Variants in TBC1D4 observed in about 807,000 individuals in gnomAD.
TBC1D4 encodes TBC1 domain family member 4, also known as TBC (Tre-2, BUB2, CDC16) domain-containing protein.
A neutral mutation model predicts 142.5 loss-of-function variants in TBC1D4; 121 were observed. The observed-to-expected ratio is 0.85, with a 90% CI of 0.73 to 0.99. TBC1D4 has a LOEUF of 0.99. Ranked by LOEUF, TBC1D4 falls within the 50% of genes least tolerant of loss-of-function variation. The probability of loss-of-function intolerance (pLI) is 0.00; values close to 1 mark genes in which losing one functional copy is unlikely to be tolerated. For synonymous variants in TBC1D4, 630 were observed against 628.2 expected, an observed-to-expected ratio of 1.00 and a Z score of -0.04; for missense variants, 1,475 against 1,606.6, an observed-to-expected ratio of 0.92 and a Z score of 1.40.
chr13:75,444,753 T>G (rs2138213044), intron 1 of TBC1D4, among the ~76,000 whole-genome samples: 1 of 152,246 alleles, frequency 6.6e-6, no homozygotes, highest in African/African-American at 2.4e-5. Flanking sequence ...AGTCTGGATG[T>G]TTGTTCATAA....
At chr13:75,378,809 G>T (rs1413861648) in intron 1 of TBC1D4, among the ~76,000 whole-genome samples, 1 of 152,066 alleles carries the variant, frequency 6.6e-6, no homozygotes, top group Non-Finnish European at 1.5e-5. Context: ...TCAAGTGTTT[G>T]TTTCAAGTTT....
At chr13:75,437,519 A>G (rs1886848609) in intron 1 of TBC1D4, among the ~76,000 whole-genome samples, 1 of 152,108 alleles carries the variant, frequency 6.6e-6, no homozygotes. Flanking sequence ...TCTTAAATAT[A>G]CTTTAGTTGT....
chr13:75,291,102 G>A (rs1875250283), intron 19 of TBC1D4, among the ~76,000 whole-genome samples: 1 of 152,172 alleles, frequency 6.6e-6, no homozygotes, highest in Non-Finnish European at 1.5e-5. Context: ...CACATACGGT[G>A]TGCAGATTAC....
chr13:75,450,848 T>C (rs1887503284), intron 1 of TBC1D4, among the ~76,000 whole-genome samples: 1 of 152,174 alleles, frequency 6.6e-6, no homozygotes, highest in African/African-American at 2.4e-5. Context: ...CTTATTAGCA[T>C]AAACTATCTA....
intron 1 of TBC1D4, among the ~76,000 whole-genome samples, chr13:75,447,500 ATGTGTGTGTG>A (rs35775136): frequency 5.5e-5 from 8 of 145,344 alleles, no homozygotes; most frequent in Middle Eastern, 3.5e-3. Context: ...CATAGTGTGA[ATGTGTGTGTG>A]TGTGTGTGTG....
chr13:75,398,738 C>T (rs564780780), intron 1 of TBC1D4, among the ~76,000 whole-genome samples: 1 of 152,174 alleles, frequency 6.6e-6, no homozygotes, highest in Non-Finnish European at 1.5e-5. Flanking sequence ...TATAAAGTAG[C>T]CTCAGGTCAA....
rs7319690 is a variant in TBC1D4, at chr13:75,463,160, G to A, written c.498+18110C>T. 5.3e-3 allele frequency among the ~76,000 whole-genome samples: 712 copies of A among 134,978 alleles called. 5 individuals are homozygous for A. The highest frequency in any genetic ancestry group is 0.019 in the African/African-American group (671 of 35,284). The allele number at this position is 134,978 out of a possible 152,430, so 88.6% of individuals were successfully genotyped here. On this transcript the variant is annotated intron_variant, in intron 1 of 20. Coordinates refer to ENST00000377636, the MANE Select transcript of TBC1D4 (RefSeq NM_014832.5). ...TATTGCCAATATTCCTGCAGAGATC[G>A]AGTTTTCACTAACACTATAGAAAAA... is the stretch of plus-strand genomic sequence containing the variant.
At chr13:75,367,524 TAA>T (rs766211283) in intron 1 of TBC1D4, among the ~76,000 whole-genome samples, 7 of 138,824 alleles carry the variant, frequency 5.0e-5, no homozygotes, top group South Asian at 2.3e-4. Flanking sequence ...TAGAGAAGTG[TAA>T]AAAAAAAAAA....
At chr13:75,360,949 C>T (rs1882450861) in intron 2 of TBC1D4, among the ~76,000 whole-genome samples, 1 of 152,170 alleles carries the variant, frequency 6.6e-6, no homozygotes, top group Non-Finnish European at 1.5e-5. Flanking sequence ...CCGGAATCTC[C>T]TTCTTAGGAA....
intron 1 of TBC1D4, among the ~76,000 whole-genome samples, chr13:75,368,029 T>G (rs988242466): frequency 1.3e-5 from 2 of 152,196 alleles, no homozygotes; most frequent in Non-Finnish European, 2.9e-5. Context: ...TGTTTGACAA[T>G]CTCATTTTAA....
Position 75,383,989 on chromosome 13 carries a change from G to A in TBC1D4, c.499-21382C>T, listed in dbSNP as rs890929068. On this transcript the variant is annotated intron_variant, in intron 1 of 20. Coordinates refer to ENST00000377636, the MANE Select transcript of TBC1D4 (RefSeq NM_014832.5). ...ATTTCAAAACTTATCTCCGAGGAAG[G>A]GGGAGGGATAGCATTAGGAGATATA... Among the ~76,000 whole-genome samples, 3 of 152,088 alleles carry A rather than the reference G, an allele frequency of 2.0e-5. No individual in the cohort carries two copies. In the South Asian group the frequency reaches 6.2e-4, roughly 32 times the overall value.
chr13:75,301,530 A>G (rs959727073), intron 16 of TBC1D4, among the ~76,000 whole-genome samples: 70 of 151,990 alleles, frequency 4.6e-4, no homozygotes, highest in African/African-American at 1.7e-3. Context: ...CTGTAGTCCC[A>G]GCTACTCAGG....
chr13:75,359,666 C>A (rs1882338474), intron 3 of TBC1D4, 103 bp downstream of exon 3: 2 of 936,840 alleles, frequency 2.1e-6, no homozygotes, highest in African/African-American at 1.7e-5. Flanking sequence ...ATTTAAATTT[C>A]AAAAAAAATT....
At chr13:75,378,969 C>T (rs1364284255) in intron 1 of TBC1D4, among the ~76,000 whole-genome samples, 1 of 152,016 alleles carries the variant, frequency 6.6e-6, no homozygotes, top group Non-Finnish European at 1.5e-5. Context: ...AGTTTTATAA[C>T]TATTGATGCA....
intron 1 of TBC1D4, among the ~76,000 whole-genome samples, chr13:75,378,455 G>A (rs1471945224): frequency 6.6e-6 from 1 of 152,088 alleles, no homozygotes; most frequent in Non-Finnish European, 1.5e-5. Context: ...TGGTGTAACA[G>A]ATTTGTGCTC....
rs1457199337 is a variant in TBC1D4 at position 75,326,198 on chromosome 13, T to G, written c.2032A>C (p.Ser678Arg). ...LLRQSSSEQC[S>R]NLSSVRRMYK... ...CATTCTGGAGAGGGTCAGACTCACC[T>G]GCACTGTTCACTGGAGCTCTGCCTC... Residue 678 changes from serine (S) to arginine (R), a missense_variant and splice_region_variant, in exon 10 of 21, where the codon AGC becomes CGC. Transcript: ENST00000377636. 6.2e-7 allele frequency: 1 copy of G among 1,614,024 alleles called. No homozygotes were observed. The highest frequency in any genetic ancestry group is 2.2e-5 in the East Asian group (1 of 44,888).
At chr13:75,389,008 C>G (rs1010277986) in intron 1 of TBC1D4, among the ~76,000 whole-genome samples, 3 of 152,204 alleles carry the variant, frequency 2.0e-5, no homozygotes, top group African/African-American at 7.2e-5. Flanking sequence ...TTACTGATAT[C>G]TGCTTCAAAT....
intron 1 of TBC1D4, among the ~76,000 whole-genome samples, chr13:75,460,091 C>T (rs1396752206): frequency 6.6e-6 from 1 of 151,816 alleles, no homozygotes; most frequent in Non-Finnish European, 1.5e-5. Context: ...TGCAGTGAGC[C>T]GAGATCGCGC....
Position 75,291,443 on chromosome 13 carries a change from G to A in TBC1D4, c.3486+659C>T, listed in dbSNP as rs143349182. 7.9e-3 allele frequency among the ~76,000 whole-genome samples: 1,206 copies of A among 152,234 alleles called. 9 individuals are homozygous for A. The highest frequency in any genetic ancestry group is 0.02 in the Middle Eastern group (6 of 294). On this transcript the variant is annotated intron_variant, in intron 19 of 20. Transcript: ENST00000377636. ...GCTTCCCTATGTTACTAGTTCCTTC[G>A]CACCTGGACAGCTGTGTTGGATTGC... is the stretch of plus-strand genomic sequence containing the variant.
Sources: allele counts gnomAD v4.1 joint callset (sites outside exome capture counted in the v4.1 genomes callset), GRCh38; gene constraint gnomAD v4.1.1; transcripts MANE v1.5; gene names NCBI Gene and HGNC (gene_info 2026-07-23, HGNC 2026-07-21).